The following RPS6KA5 variants were observed in gnomAD, a reference collection of about 807,000 sequenced individuals.
The protein encoded by RPS6KA5 is ribosomal protein S6 kinase A5.
A neutral mutation model predicts 85.5 loss-of-function variants in RPS6KA5; 27 were observed. The ratio of observed to expected loss-of-function variants is 0.32; its 90% CI spans 0.23 to 0.44. RPS6KA5 has a LOEUF of 0.44. Ranked by LOEUF, RPS6KA5 falls within the 20% of genes least tolerant of loss-of-function variation. The probability of loss-of-function intolerance (pLI) is 1.00; values close to 1 mark genes in which losing one functional copy is unlikely to be tolerated. For missense variants in RPS6KA5, 811 were observed against 980.9 expected (o/e 0.83, Z 2.31); for synonymous variants, 334 against 348.2 (o/e 0.96, Z 0.46).
rs1368410118 is a variant in RPS6KA5 at position 90,865,049 on chromosome 14, A to G, written c.*7025T>C. On this transcript the variant is annotated 3_prime_UTR_variant, in exon 17 of 17. Transcript: ENST00000614987. ...ATTCATCTTATGACTCAGTAGTTTC[A>G]CTCCTTTTTTTTGTCTGTTTTTTTG... The G allele has an allele frequency of 6.6e-6, 1 of 151,970 alleles. No individual in the cohort carries two copies. The highest frequency in any genetic ancestry group is 1.5e-5 in the Non-Finnish European group (1 of 67,966). The allele number at this position is 151,970 out of a possible 1,614,324, so 9.4% of individuals were successfully genotyped here. A position where few individuals can be genotyped will look rare whatever the true frequency, so the allele number is the denominator to read the frequency against.
At chr14:90,885,213 A>G (rs1241932728) in intron 14 of RPS6KA5, among the ~76,000 whole-genome samples, 1 of 150,394 alleles carries the variant, frequency 6.6e-6, no homozygotes, top group African/African-American at 2.5e-5. Context: ...TGAACGTGCA[A>G]CTACACTTCA....
chr14:90,991,146 A>T (rs1485862537), intron 2 of RPS6KA5, among the ~76,000 whole-genome samples: 1 of 152,212 alleles, frequency 6.6e-6, no homozygotes, highest in Non-Finnish European at 1.5e-5. Context: ...ATGGGAAAAA[A>T]TGCAGTATAT....
chr14:91,001,350 CT>C (rs1310394520), intron 1 of RPS6KA5, among the ~76,000 whole-genome samples, 191 bp from the exon 2 acceptor site: 1 of 151,970 alleles, frequency 6.6e-6, no homozygotes, highest in East Asian at 1.9e-4. Context: ...TACAATAAAA[CT>C]TTTTTTGGAA....
intron 3 of RPS6KA5, among the ~76,000 whole-genome samples, chr14:90,965,808 G>A (rs924287428): frequency 1.3e-5 from 2 of 152,136 alleles, no homozygotes; most frequent in Non-Finnish European, 2.9e-5. Flanking sequence ...TGCCAGCCAA[G>A]GCAGATTCTA....
At chr14:90,963,570 T>C (rs2038912894) in intron 3 of RPS6KA5, among the ~76,000 whole-genome samples, 1 of 152,216 alleles carries the variant, frequency 6.6e-6, no homozygotes, top group African/African-American at 2.4e-5. Context: ...TTTATTGCAC[T>C]TTCTTACTTT....
intron 5 of RPS6KA5, among the ~76,000 whole-genome samples, chr14:90,940,373 C>T (rs2037503925): frequency 6.6e-6 from 1 of 152,086 alleles, no homozygotes; most frequent in African/African-American, 2.4e-5. Flanking sequence ...CTCCATCATC[C>T]CCTTGAAGGG....
chr14:90,886,511 G>A lies in RPS6KA5; in HGVS notation c.1836+3976C>T, dbSNP rs141580042. ...TAACTAAGGTTAAATGAGGTTATAC[G>A]GGTAGGCCCCTGATCCAAGAGAATT... On this transcript the variant is annotated intron_variant, in intron 14 of 16. Coordinates refer to ENST00000614987, the MANE Select transcript of RPS6KA5 (RefSeq NM_004755.4). Among the ~76,000 whole-genome samples, 842 of 152,210 alleles carry A rather than the reference G, an allele frequency of 5.5e-3. 11 individuals carry two copies. The highest frequency in any genetic ancestry group is 0.019 in the African/African-American group (800 of 41,532).
intron 11 of RPS6KA5, 77 bp downstream of exon 11, chr14:90,900,031 C>G: frequency 8.0e-7 from 1 of 1,252,932 alleles, no homozygotes; most frequent in Non-Finnish European, 1.1e-6. Flanking sequence ...ATACTGGTTT[C>G]AATTAAAATA....
intron 1 of RPS6KA5, among the ~76,000 whole-genome samples, chr14:91,059,230 C>T (rs1448449515): frequency 4.2e-5 from 6 of 143,820 alleles, no homozygotes; most frequent in African/African-American, 1.6e-4. Context: ...ATCCTAGCTA[C>T]TCCGGAGGCT....
chr14:90,961,757 A>T (rs2038807761), intron 3 of RPS6KA5, among the ~76,000 whole-genome samples: 2 of 152,156 alleles, frequency 1.3e-5, no homozygotes, highest in African/African-American at 2.4e-5. Flanking sequence ...ATGGCACAGA[A>T]CTTAAGGACA....
intron 1 of RPS6KA5, among the ~76,000 whole-genome samples, chr14:91,042,997 T>C (rs2042662020): frequency 6.6e-6 from 1 of 152,108 alleles, no homozygotes; most frequent in Non-Finnish European, 1.5e-5. Flanking sequence ...AAAAGTTATC[T>C]TCACCTGCAT....
chr14:90,940,962 C>G lies in RPS6KA5; in HGVS notation c.618+2116G>C, dbSNP rs183383845. Among the ~76,000 whole-genome samples the G allele has an allele frequency of 5.3e-5, 8 of 152,306 alleles. No homozygotes were observed. The East Asian group carries it at 1.5e-3, about 29-fold the overall frequency. On this transcript the variant is annotated intron_variant, in intron 5 of 16. Coordinates refer to ENST00000614987, the MANE Select transcript of RPS6KA5 (RefSeq NM_004755.4). The stretch of plus-strand genomic sequence containing the variant: ...ACCCTCGTCTTTGGGAAAAATGTCT[C>G]TCAGGAAACCAGTCCCTAGTGCCAA...
intron 9 of RPS6KA5, among the ~76,000 whole-genome samples, chr14:90,901,363 C>A (rs930678147): frequency 6.6e-6 from 1 of 152,210 alleles, no homozygotes; most frequent in African/African-American, 2.4e-5. Context: ...AAGGCCTGAG[C>A]CACCAGACCC....
intron 2 of RPS6KA5, among the ~76,000 whole-genome samples, chr14:90,982,842 G>A (rs1192640128): frequency 2.0e-5 from 3 of 151,424 alleles, no homozygotes; most frequent in African/African-American, 4.9e-5. Flanking sequence ...GGCCAGGCGC[G>A]GTGGTTCACG....
intron 2 of RPS6KA5, among the ~76,000 whole-genome samples, chr14:90,989,342 G>A (rs962888463): frequency 2.6e-5 from 4 of 152,166 alleles, no homozygotes; most frequent in African/African-American, 9.7e-5. Flanking sequence ...CGATACTCAA[G>A]TACTCTACAA....
At chr14:90,948,713 A>C (rs556898230) in intron 3 of RPS6KA5, among the ~76,000 whole-genome samples, 1 of 151,692 alleles carries the variant, frequency 6.6e-6, no homozygotes, top group East Asian at 1.9e-4. Context: ...AAACAAAAAA[A>C]CCCCAAAAAA....
chr14:90,980,618 T>C (rs913665561), intron 2 of RPS6KA5, among the ~76,000 whole-genome samples: 1 of 152,196 alleles, frequency 6.6e-6, no homozygotes, highest in Non-Finnish European at 1.5e-5. Flanking sequence ...ATGAAGAAAC[T>C]GAAGTATAGA....
chr14:90,968,578 T>TAA, intron 3 of RPS6KA5, among the ~76,000 whole-genome samples: 1 of 152,244 alleles, frequency 6.6e-6, no homozygotes, highest in African/African-American at 2.4e-5. Flanking sequence ...CACCATAACT[T>TAA]AAAGCTAAAA....
At chr14:90,940,942 C>T (rs774143149) in intron 5 of RPS6KA5, among the ~76,000 whole-genome samples, 5 of 152,170 alleles carry the variant, frequency 3.3e-5, no homozygotes, top group Non-Finnish European at 5.9e-5. Flanking sequence ...CCCCGACCCT[C>T]GTCTTTGGGA....
Sources: allele counts gnomAD v4.1 joint callset (sites outside exome capture counted in the v4.1 genomes callset), GRCh38; gene constraint gnomAD v4.1.1; transcripts MANE v1.5; gene names NCBI Gene and HGNC (gene_info 2026-07-23, HGNC 2026-07-21).